The following UBE2E2 variants were observed in gnomAD, a reference collection of about 807,000 sequenced individuals.
UBE2E2 encodes the protein ubiquitin conjugating enzyme E2 E2.
UBE2E2 carries 6 observed loss-of-function variants against 24.7 expected under a neutral mutation model. The observed-to-expected ratio is 0.24, with a 90% CI of 0.13 to 0.48. The LOEUF (loss-of-function observed/expected upper bound fraction) is 0.48, where lower values mean the gene tolerates loss of function less well. UBE2E2 is among the 20% of genes least tolerant of loss of function. UBE2E2 has a pLI of 0.99. For synonymous variants in UBE2E2, 104 were observed against 83.6 expected, an observed-to-expected ratio of 1.24 and a Z score of -1.33; for missense variants, 169 against 245.0, an observed-to-expected ratio of 0.69 and a Z score of 2.07.
chr3:23,529,420 ACAAC>A (rs1695070373), intron 4 of UBE2E2, among the ~76,000 whole-genome samples: 1 of 136,964 alleles, frequency 7.3e-6, no homozygotes. Context: ...TTTATTTCTT[ACAAC>A]TGTACATGAA....
intron 3 of UBE2E2, among the ~76,000 whole-genome samples, chr3:23,380,952 G>A (rs1696654905): frequency 6.6e-6 from 1 of 152,162 alleles, no homozygotes; most frequent in East Asian, 1.9e-4. Flanking sequence ...AACCGTTTGA[G>A]TTAAACTGTA....
intron 3 of UBE2E2, among the ~76,000 whole-genome samples, chr3:23,374,171 A>G (rs994860816): frequency 6.6e-6 from 1 of 152,194 alleles, no homozygotes; most frequent in Non-Finnish European, 1.5e-5. Context: ...ATAAAATTAC[A>G]TGTTTAAATT....
chr3:23,300,655 T>G (rs934653243), intron 3 of UBE2E2, among the ~76,000 whole-genome samples: 8 of 152,226 alleles, frequency 5.3e-5, no homozygotes, highest in African/African-American at 1.9e-4. Context: ...AGAGATCAGC[T>G]GTTAGTCTGA....
intron 1 of UBE2E2, among the ~76,000 whole-genome samples, chr3:23,206,816 C>A (rs1696159117): frequency 6.6e-6 from 1 of 152,058 alleles, no homozygotes; most frequent in Non-Finnish European, 1.5e-5. Context: ...AAATAGCTAT[C>A]CATTTGGACT....
chr3:23,330,291 GTC>G (rs1438467140), intron 3 of UBE2E2, among the ~76,000 whole-genome samples: 1 of 152,150 alleles, frequency 6.6e-6, no homozygotes, highest in Non-Finnish European at 1.5e-5. Context: ...GAACTCATTA[GTC>G]TCTATTAGCA....
At chr3:23,579,695 G>A (rs1696432260) in intron 5 of UBE2E2, among the ~76,000 whole-genome samples, 1 of 151,752 alleles carries the variant, frequency 6.6e-6, no homozygotes, top group Non-Finnish European at 1.5e-5. Flanking sequence ...GCAAGACCCT[G>A]TCTCTTAAAA....
chr3:23,553,343 C>G (rs1404557078), intron 5 of UBE2E2, among the ~76,000 whole-genome samples: 1 of 151,906 alleles, frequency 6.6e-6, no homozygotes, highest in Non-Finnish European at 1.5e-5. Context: ...AGAAGCATAA[C>G]TTGTGAGCAT....
At chr3:23,273,207 C>A (rs183918604) in intron 3 of UBE2E2, among the ~76,000 whole-genome samples, 1 of 152,270 alleles carries the variant, frequency 6.6e-6, no homozygotes, top group East Asian at 1.9e-4. Flanking sequence ...TAAATTCTCA[C>A]AAAAGTTGTT....
intron 3 of UBE2E2, among the ~76,000 whole-genome samples, chr3:23,261,566 C>T (rs1697903046): frequency 6.6e-6 from 1 of 152,038 alleles, no homozygotes; most frequent in Admixed American, 6.6e-5. Context: ...CATTAGATTT[C>T]CAGAAATTTT....
chr3:23,397,641 T>C (rs1360711441), intron 3 of UBE2E2, among the ~76,000 whole-genome samples: 1 of 152,222 alleles, frequency 6.6e-6, no homozygotes, highest in Non-Finnish European at 1.5e-5. Flanking sequence ...CCGTCTACAT[T>C]TTGGTGTCTG....
intron 5 of UBE2E2, among the ~76,000 whole-genome samples, chr3:23,570,415 A>G (rs1430640193): frequency 6.6e-6 from 1 of 152,142 alleles, no homozygotes; most frequent in Non-Finnish European, 1.5e-5. Context: ...ATTTCCCAGT[A>G]GTGTACTGGT....
chr3:23,585,958 AT>A (rs1696616536), intron 5 of UBE2E2, among the ~76,000 whole-genome samples: 1 of 150,280 alleles, frequency 6.7e-6, no homozygotes, highest in Non-Finnish European at 1.5e-5. Context: ...TTTATTTACC[AT>A]TTATTAAGTT....
chr3:23,520,143 G>A (rs1345790410), intron 4 of UBE2E2, among the ~76,000 whole-genome samples: 1 of 150,918 alleles, frequency 6.6e-6, no homozygotes, highest in African/African-American at 2.4e-5. Flanking sequence ...AAAACTTTGA[G>A]GGTGTGGGGT....
At chr3:23,551,501 G>C (rs942725083) in intron 5 of UBE2E2, among the ~76,000 whole-genome samples, 1 of 152,182 alleles carries the variant, frequency 6.6e-6, no homozygotes, top group Non-Finnish European at 1.5e-5. Flanking sequence ...GTAACTTGGG[G>C]CTACTATCAT....
At position 23,366,382 on chromosome 3, in the gene UBE2E2, G is replaced by A. The variant is rs918313660; in HGVS notation, c.228-133226G>A. Among the ~76,000 whole-genome samples the A allele has an allele frequency of 3.9e-5, 6 of 152,226 alleles. No homozygotes were observed. The East Asian group carries it at 1.2e-3, about 29-fold the overall frequency. On this transcript the variant is annotated intron_variant, in intron 3 of 5. Coordinates refer to ENST00000396703, the MANE Select transcript of UBE2E2 (RefSeq NM_152653.4). ...GTGTGCTCATCACAGCACTATTCAC[G>A]ATAGCAAAGTCTTGGAATCAACCTA...
chr3:23,467,473 A>T (rs1698945210), intron 3 of UBE2E2, among the ~76,000 whole-genome samples: 1 of 152,204 alleles, frequency 6.6e-6, no homozygotes. Flanking sequence ...CTTTGAGCAA[A>T]TTGGCGCCTG....
At chr3:23,460,786 C>T (rs1218739130) in intron 3 of UBE2E2, among the ~76,000 whole-genome samples, 1 of 152,094 alleles carries the variant, frequency 6.6e-6, no homozygotes, top group South Asian at 2.1e-4. Context: ...CAAGAAGAAG[C>T]AGAAGTGTGA....
chr3:23,533,935 A>G (rs995766051), intron 5 of UBE2E2, among the ~76,000 whole-genome samples: 3 of 152,128 alleles, frequency 2.0e-5, no homozygotes, highest in Non-Finnish European at 4.4e-5. Flanking sequence ...CAAAAAATAA[A>G]ATTGTGCAGG....
In UBE2E2 at chr3:23,513,531, G is replaced by A. The variant is rs1694655681; in HGVS notation, c.360+13791G>A. Among the ~76,000 whole-genome samples the A allele has an allele frequency of 2.6e-5, 4 of 152,058 alleles. No individual in the cohort carries two copies. In the South Asian group the frequency reaches 8.3e-4, roughly 32 times the overall value. On this transcript the variant is annotated intron_variant, in intron 4 of 5. Coordinates refer to ENST00000396703, the MANE Select transcript of UBE2E2 (RefSeq NM_152653.4). ...TTCACTGAGTATCTTTGTACATACT[G>A]TCTTTGTGGACTTCTGCAAATATAT...
Sources: gnomAD v4.1 joint callset for allele counts (sites outside exome capture counted in the v4.1 genomes callset) on GRCh38, gnomAD v4.1.1 for gene constraint, MANE v1.5 for transcripts, NCBI Gene and HGNC (gene_info 2026-07-23, HGNC 2026-07-21) for gene names.